The following ADGRL4 variants were observed in gnomAD, a reference collection of about 807,000 sequenced individuals.
ADGRL4 encodes adhesion G protein-coupled receptor L4, also known as EGF, latrophilin and seven transmembrane domain containing 1.
ADGRL4 carries 90 observed loss-of-function variants against 74.8 expected under a neutral mutation model. The ratio of observed to expected loss-of-function variants is 1.20; its 90% confidence interval spans 1.02 to 1.43. The LOEUF (loss-of-function observed/expected upper bound fraction) is 1.43, where lower values mean the gene tolerates loss of function less well. ADGRL4 is among the 40% of genes most tolerant of loss of function. The probability of loss-of-function intolerance (pLI) is 0.00; values close to 1 mark genes in which losing one functional copy is unlikely to be tolerated. For synonymous variants in ADGRL4, 311 were observed against 279.2 expected (o/e 1.11, Z -1.14); for missense variants, 881 against 814.3 (o/e 1.08, Z -1.00).
At position 78,891,799 on chromosome 1, in the gene ADGRL4, C is replaced by T. The variant is rs148633547; in HGVS notation, c.1842-107G>A. 166 of 956,362 alleles carry T rather than the reference C, an allele frequency of 1.7e-4. No individual in the cohort carries two copies. In the African/African-American group the frequency reaches 2.4e-3, roughly 14 times the overall value. 59.2% of individuals were successfully genotyped at this position (956,362 alleles called of 1,614,324 possible). A position where few individuals can be genotyped will look rare whatever the true frequency, so the allele number is the denominator to read the frequency against. On this transcript the variant is annotated intron_variant, in intron 13 of 14. Coordinates refer to ENST00000370742, the MANE Select transcript of ADGRL4 (RefSeq NM_022159.4). ...GTGAGTTTTCAGTATAACCAAGAAA[C>T]CTTTTACAAATAGACCCAATAGAAT...
intron 6 of ADGRL4, 77 bp from the exon 7 acceptor site, chr1:78,936,488 C>A (rs1204482232): frequency 1.7e-6 from 2 of 1,208,712 alleles, no homozygotes; most frequent in Non-Finnish European, 2.3e-6. Flanking sequence ...AGCTTAGAGA[C>A]AATTTCATCC....
intron 2 of ADGRL4, among the ~76,000 whole-genome samples, chr1:78,951,219 G>A (rs1249739973): frequency 3.3e-5 from 5 of 152,046 alleles, no homozygotes; most frequent in Non-Finnish European, 7.4e-5. Context: ...CTCTTGTTTT[G>A]CCTCCCCATC....
At position 78,921,647 on chromosome 1, in the gene ADGRL4, T is replaced by C. The variant is rs768513773; in HGVS notation, c.1223A>G (p.His408Arg). ...HTSCRCNHLT[H>R]FAILMSSGPS... ...ACCAGAGGACATCAAAATTGCAAAA[T>C]GTGTCAGGTGATTACAGCGGCATGA... Residue 408 changes from histidine (H) to arginine (R), a missense_variant, in exon 9 of 15, where the codon CAT (histidine) becomes CGT (arginine). Physicochemically the swap from His to Arg is conservative, Grantham distance 29. Coordinates refer to ENST00000370742, the MANE Select transcript of ADGRL4 (RefSeq NM_022159.4). The C allele has an allele frequency of 8.2e-6, 13 of 1,583,224 alleles. No individual in the cohort carries two copies. The South Asian group carries it at 1.3e-4, about 15-fold the overall frequency.
At chr1:78,935,759 A>G (rs1649339653) in intron 7 of ADGRL4, among the ~76,000 whole-genome samples, 1 of 152,166 alleles carries the variant, frequency 6.6e-6, no homozygotes. Flanking sequence ...GAGGTAAGAC[A>G]AGGACCCAGA....
In ADGRL4 at chr1:78,895,590, T is replaced by C. The variant is rs1374864005; in HGVS notation, c.1750-2401A>G. Among the ~76,000 whole-genome samples the C allele has an allele frequency of 2.6e-5, 4 of 152,194 alleles. No individual in the cohort carries two copies. The East Asian group carries it at 7.7e-4, about 29-fold the overall frequency. On this transcript the variant is annotated intron_variant, in intron 12 of 14. Coordinates refer to ENST00000370742, the MANE Select transcript of ADGRL4 (RefSeq NM_022159.4). ...GATTTAATCAGTTATGATGCATTAGTAGATCAAATAATGAAGGGAAAAAAA... is the reference window on the plus strand; with the variant it reads ...GATTTAATCAGTTATGATGCATTAGCAGATCAAATAATGAAGGGAAAAAAA...
In ADGRL4 at chr1:78,983,737, G is replaced by A. The variant is rs1433006856; in HGVS notation, c.172+21333C>T. 2.6e-5 allele frequency among the ~76,000 whole-genome samples: 4 copies of A among 151,844 alleles called. No homozygotes were observed. The East Asian group carries it at 7.7e-4, about 29-fold the overall frequency. ...ATTTGGGGAATACAACTTTAGGCAA[G>A]ATTAATGAAAATAACTCTAAAAATG... is the stretch of plus-strand genomic sequence containing the variant. On this transcript the variant is annotated intron_variant, in intron 2 of 14. Coordinates refer to ENST00000370742, the MANE Select transcript of ADGRL4 (RefSeq NM_022159.4).
At chr1:78,979,632 A>G (rs1650360741) in intron 2 of ADGRL4, among the ~76,000 whole-genome samples, 1 of 151,976 alleles carries the variant, frequency 6.6e-6, no homozygotes, top group Non-Finnish European at 1.5e-5. Context: ...GAAATTGCAG[A>G]GATATAGAAC....
At chr1:78,893,710 T>A (rs2100648980) in intron 12 of ADGRL4, among the ~76,000 whole-genome samples, 1 of 152,040 alleles carries the variant, frequency 6.6e-6, no homozygotes, top group Non-Finnish European at 1.5e-5. Flanking sequence ...AATACAAATG[T>A]TAATATTTCT....
intron 2 of ADGRL4, among the ~76,000 whole-genome samples, chr1:78,959,839 T>C (rs1368711603): frequency 6.6e-6 from 1 of 152,164 alleles, no homozygotes; most frequent in African/African-American, 2.4e-5. Context: ...AAGGTGGCCA[T>C]ATATTTTCCC....
At position 78,952,619 on chromosome 1, in the gene ADGRL4, C is replaced by T. The variant is rs577716151; in HGVS notation, c.173-6193G>A. Among the ~76,000 whole-genome samples the T allele has an allele frequency of 3.9e-5, 6 of 152,092 alleles. No individual in the cohort carries two copies. The East Asian group carries it at 9.7e-4, about 24-fold the overall frequency. On this transcript the variant is annotated intron_variant, in intron 2 of 14. Transcript: ENST00000370742. ...TCAATCAGTCAAGACAAATAATAGACTTATAAAGCCCATAGTGTAAACTCA... is the reference window on the plus strand; with the variant it reads ...TCAATCAGTCAAGACAAATAATAGATTTATAAAGCCCATAGTGTAAACTCA...
intron 2 of ADGRL4, among the ~76,000 whole-genome samples, chr1:78,969,419 G>T (rs1452483593): frequency 2.6e-5 from 4 of 152,124 alleles, no homozygotes; most frequent in African/African-American, 9.7e-5. Context: ...CTGACTGGTG[G>T]TCAATAAAGA....
chr1:78,928,721 C>T (rs1349958025), intron 7 of ADGRL4, among the ~76,000 whole-genome samples: 1 of 151,440 alleles, frequency 6.6e-6, no homozygotes, highest in Admixed American at 6.6e-5. Flanking sequence ...AGAATTAATA[C>T]CTATATATAT....
intron 2 of ADGRL4, among the ~76,000 whole-genome samples, chr1:78,955,138 A>C (rs1649803174): frequency 6.6e-6 from 1 of 152,128 alleles, no homozygotes; most frequent in Non-Finnish European, 1.5e-5. Flanking sequence ...GATAGACAAA[A>C]TATAAGATCT....
At chr1:78,937,451 AACAG>A (rs1649378710) in intron 6 of ADGRL4, among the ~76,000 whole-genome samples, 1 of 152,208 alleles carries the variant, frequency 6.6e-6, no homozygotes, top group Non-Finnish European at 1.5e-5. Context: ...TCTTTAAACA[AACAG>A]ACAAACAAAA....
At chr1:78,941,940 C>T (rs1238675019) in intron 3 of ADGRL4, among the ~76,000 whole-genome samples, 2 of 152,110 alleles carry the variant, frequency 1.3e-5, no homozygotes, top group African/African-American at 4.8e-5. Flanking sequence ...TGGCTTTCGC[C>T]TGTAATCCCA....
At chr1:78,911,773 G>A (rs1160800554) in intron 12 of ADGRL4, among the ~76,000 whole-genome samples, 1 of 151,764 alleles carries the variant, frequency 6.6e-6, no homozygotes, top group Admixed American at 6.6e-5. Context: ...CCTCCAGAAT[G>A]TTGTGCATTT....
rs772267466 is a variant in ADGRL4, at chr1:78,891,607, C to G, written c.1927G>C (p.Val643Leu). 5 of 1,613,520 alleles carry G rather than the reference C, an allele frequency of 3.1e-6. 1 individual carries two copies. In the South Asian group the frequency reaches 5.5e-5, roughly 18 times the overall value. Reference sequence around the variant, plus strand: ...ACTGTGAAGAGGTAAGCTGTAACCACTGATGCGTGCACAACATGGAGAACC... The same window carrying G: ...ACTGTGAAGAGGTAAGCTGTAACCAGTGATGCGTGCACAACATGGAGAACC... The part of the protein sequence containing the change: ...FGVLHVVHAS[V>L]VTAYLFTVSN... The change falls in exon 14 of 15, where the codon GTG (valine) becomes CTG (leucine). Residue 643 changes from valine to leucine, a missense_variant. Physicochemically the swap from Val to Leu is conservative, Grantham distance 32. Transcript: ENST00000370742.
chr1:78,938,036 T>C, intron 5 of ADGRL4, 46 bp from the exon 6 acceptor site: 1 of 1,602,864 alleles, frequency 6.2e-7, no homozygotes, highest in Non-Finnish European at 8.5e-7. Flanking sequence ...AATCCTACAC[T>C]ATTCACAAAT....
chr1:78,967,106 T>G (rs1035557656), intron 2 of ADGRL4, among the ~76,000 whole-genome samples: 9 of 152,116 alleles, frequency 5.9e-5, no homozygotes, highest in Non-Finnish European at 8.8e-5. Context: ...AGTTAAAAGG[T>G]GTGGTACCTT....
Sources: allele counts gnomAD v4.1 joint callset (sites outside exome capture counted in the v4.1 genomes callset), GRCh38; gene constraint gnomAD v4.1.1; transcripts MANE v1.5; gene names NCBI Gene and HGNC (gene_info 2026-07-23, HGNC 2026-07-21).